The following ADAMTSL1 variants were observed in gnomAD, a reference collection of about 807,000 sequenced individuals.
ADAMTSL1 encodes the protein ADAMTS like 1.
Under a neutral mutation model 201.8 loss-of-function variants are expected in ADAMTSL1, and 126 were observed. The observed-to-expected ratio is 0.62, with a 90% CI of 0.54 to 0.72. The LOEUF is 0.72. Ranked by LOEUF, ADAMTSL1 falls within the 30% of genes least tolerant of loss-of-function variation. The pLI, the probability that ADAMTSL1 is intolerant of heterozygous loss-of-function variation, is 0.00. For missense variants in ADAMTSL1, 2,679 were observed against 2,277.8 expected (o/e 1.18, Z -3.59); for synonymous variants, 1,121 against 903.4 (o/e 1.24, Z -4.32).
chr9:18,670,882 C>T (rs1377759134), intron 9 of ADAMTSL1, among the ~76,000 whole-genome samples: 1 of 151,730 alleles, frequency 6.6e-6, no homozygotes, highest in Non-Finnish European at 1.5e-5. Flanking sequence ...CCCACCTCCA[C>T]AGATACCAAA....
chr9:18,290,282 T>TTC (rs897132093), intron 2 of ADAMTSL1, among the ~76,000 whole-genome samples: 1 of 19,194 alleles, frequency 5.2e-5, no homozygotes, highest in African/African-American at 9.5e-5. Flanking sequence ...GGGGATTAGA[T>TTC]TTTTTTTTTT....
chr9:18,863,607 G>A (rs1025223678), intron 23 of ADAMTSL1, among the ~76,000 whole-genome samples: 1 of 152,138 alleles, frequency 6.6e-6, no homozygotes, highest in Admixed American at 6.5e-5. Flanking sequence ...ACAAATGGAG[G>A]GAGTAACTGA....
chr9:17,928,189 G>T lies in ADAMTSL1; in HGVS notation c.87+21267G>T, dbSNP rs60328403. Reference sequence around the variant, plus strand: ...GTTTTTGTGTTTTTAGTAGAGACAGGGTTTTCACCATGTTGCTCAGGCTGG... The same window carrying T: ...GTTTTTGTGTTTTTAGTAGAGACAGTGTTTTCACCATGTTGCTCAGGCTGG... On this transcript the variant is annotated intron_variant, in intron 1 of 29. Transcript: ENST00000680146. Among the ~76,000 whole-genome samples the T allele has an allele frequency of 6.6e-5, 10 of 151,830 alleles. No homozygotes were observed. In the East Asian group the frequency reaches 1.6e-3, roughly 24 times the overall value.
At chr9:18,621,978 C>T (rs961366196) in intron 4 of ADAMTSL1, among the ~76,000 whole-genome samples, 2 of 152,166 alleles carry the variant, frequency 1.3e-5, no homozygotes, top group African/African-American at 2.4e-5. Flanking sequence ...CCATCATTCC[C>T]TACCCTGCTC....
At chr9:18,509,650 A>T (rs1346520467) in intron 2 of ADAMTSL1, among the ~76,000 whole-genome samples, 9 of 152,156 alleles carry the variant, frequency 5.9e-5, no homozygotes, top group African/African-American at 2.2e-4. Flanking sequence ...TCTCATAGTG[A>T]TAGCAGAGGT....
In ADAMTSL1 at chr9:18,465,788, G is replaced by A. The variant is rs183140698; in HGVS notation, c.208-39041G>A. 3.3e-5 allele frequency among the ~76,000 whole-genome samples: 5 copies of A among 152,228 alleles called. No individual in the cohort carries two copies. In the East Asian group the frequency reaches 7.7e-4, roughly 24 times the overall value. On this transcript the variant is annotated intron_variant, in intron 2 of 29. Transcript: ENST00000680146. ...TTTTGAGACAGAGTCTTGCCCTGTCGCCCAGGCTGGGGTGCAGTGGCACGA... is the reference window on the plus strand; with the variant it reads ...TTTTGAGACAGAGTCTTGCCCTGTCACCCAGGCTGGGGTGCAGTGGCACGA...
intron 3 of ADAMTSL1, among the ~76,000 whole-genome samples, chr9:18,573,608 T>C (rs1564059494): frequency 6.6e-6 from 1 of 152,182 alleles, no homozygotes; most frequent in Non-Finnish European, 1.5e-5. Flanking sequence ...AAATAAACAA[T>C]TGTCATAGCT....
intron 2 of ADAMTSL1, among the ~76,000 whole-genome samples, chr9:18,287,211 G>A (rs1288947679): frequency 6.6e-6 from 1 of 152,086 alleles, no homozygotes; most frequent in Non-Finnish European, 1.5e-5. Context: ...AAGTCTTAAA[G>A]CTCTGCTTGA....
At chr9:18,451,711 ACTGT>A (rs1820413007) in intron 2 of ADAMTSL1, among the ~76,000 whole-genome samples, 1 of 152,200 alleles carries the variant, frequency 6.6e-6, no homozygotes, top group Non-Finnish European at 1.5e-5. Context: ...AAGGATGGAG[ACTGT>A]CTTAGTCCAT....
chr9:18,281,942 C>T (rs998461062), intron 2 of ADAMTSL1, among the ~76,000 whole-genome samples: 1 of 152,080 alleles, frequency 6.6e-6, no homozygotes, highest in Non-Finnish European at 1.5e-5. Context: ...TTCTTTGACC[C>T]GTAGGTTATT....
intron 13 of ADAMTSL1, among the ~76,000 whole-genome samples, chr9:18,691,600 A>G (rs1272393994): frequency 2.0e-5 from 3 of 152,134 alleles, no homozygotes; most frequent in African/African-American, 7.2e-5. Flanking sequence ...CTGTATTTGT[A>G]TGCCCTGACA....
chr9:17,929,517 C>T (rs1036777358), intron 1 of ADAMTSL1, among the ~76,000 whole-genome samples: 3 of 152,058 alleles, frequency 2.0e-5, no homozygotes, highest in Middle Eastern at 3.4e-3. Flanking sequence ...CCCCAGGTTC[C>T]CTCACTCCTC....
chr9:17,968,806 T>C (rs544367147), intron 1 of ADAMTSL1, among the ~76,000 whole-genome samples: 1 of 152,226 alleles, frequency 6.6e-6, no homozygotes, highest in East Asian at 1.9e-4. Flanking sequence ...TTCTAATACA[T>C]TGGAAATCCT....
At chr9:18,801,339 CTT>C (rs1032022503) in intron 20 of ADAMTSL1, among the ~76,000 whole-genome samples, 4 of 152,170 alleles carry the variant, frequency 2.6e-5, no homozygotes, top group East Asian at 3.8e-4. Context: ...ATTTAGCAAA[CTT>C]ATATAGTTAT....
intron 4 of ADAMTSL1, among the ~76,000 whole-genome samples, chr9:18,612,818 T>C (rs1825465846): frequency 6.6e-6 from 1 of 152,082 alleles, no homozygotes; most frequent in African/African-American, 2.4e-5. Flanking sequence ...CTGGCAAAGA[T>C]TTCATGATGA....
In ADAMTSL1 at chr9:18,433,078, C is replaced by T. The variant is rs553120360; in HGVS notation, c.208-71751C>T. On this transcript the variant is annotated intron_variant, in intron 2 of 29. Transcript: ENST00000680146. ...GCTAGATTTTTTTTAACCAACAAAA[C>T]CTCCTGTTTGTTTTAAAAAGAATGG... Among the ~76,000 whole-genome samples the T allele has an allele frequency of 9.9e-5, 15 of 152,094 alleles. 1 individual carries two copies. The South Asian group carries it at 2.7e-3, about 27-fold the overall frequency.
intron 1 of ADAMTSL1, among the ~76,000 whole-genome samples, chr9:18,146,585 G>C (rs1826655433): frequency 6.6e-6 from 1 of 152,150 alleles, no homozygotes; most frequent in African/African-American, 2.4e-5. Flanking sequence ...GTAAAACACA[G>C]GGGACTTTTT....
At chr9:18,190,084 C>A (rs891831133) in intron 2 of ADAMTSL1, among the ~76,000 whole-genome samples, 1 of 152,162 alleles carries the variant, frequency 6.6e-6, no homozygotes, top group Non-Finnish European at 1.5e-5. Context: ...CTAAGGGGAT[C>A]CAGCACTGCA....
chr9:17,987,838 C>A (rs1240219113), intron 1 of ADAMTSL1, among the ~76,000 whole-genome samples: 1 of 152,018 alleles, frequency 6.6e-6, no homozygotes, highest in Non-Finnish European at 1.5e-5. Flanking sequence ...CAGTTGAGAC[C>A]AGTGGCTCTT....
Sources: gnomAD v4.1 joint callset for allele counts (sites outside exome capture counted in the v4.1 genomes callset) on GRCh38, gnomAD v4.1.1 for gene constraint, MANE v1.5 for transcripts, NCBI Gene and HGNC (gene_info 2026-07-23, HGNC 2026-07-21) for gene names.